MAPRE2: variants seen among roughly 807,000 people sequenced by gnomAD.
The protein encoded by MAPRE2 is microtubule associated protein RP/EB family member 2, also known as microtubule-associated protein RP/EB family member 2.
Under a neutral mutation model 43.2 loss-of-function variants are expected in MAPRE2, and 13 were observed. The ratio of observed to expected loss-of-function variants is 0.30; its 90% CI spans 0.20 to 0.48. The LOEUF is 0.48. Among genes scored for constraint, MAPRE2 ranks in the 20% least tolerant of loss-of-function variants. The pLI, the probability that MAPRE2 is intolerant of heterozygous loss-of-function variation, is 0.99. For missense variants in MAPRE2, 161 were observed against 400.2 expected, an observed-to-expected ratio of 0.40 and a Z score of 5.10; for synonymous variants, 135 against 148.8, an observed-to-expected ratio of 0.91 and a Z score of 0.68.
At chr18:35,131,950 G>T in intron 5 of MAPRE2, 82 bp from the exon 6 acceptor site, 1 of 1,320,518 alleles carries the variant, frequency 7.6e-7, no homozygotes, top group Non-Finnish European at 1.1e-6. Context: ...TCTCTCTTTT[G>T]GGTTTTATTC....
chr18:35,038,774 ATC>A (rs1255605994), upstream of MAPRE2, among the ~76,000 whole-genome samples: 1 of 152,196 alleles, frequency 6.6e-6, no homozygotes, highest in Non-Finnish European at 1.5e-5. Flanking sequence ...ATGAAAACAC[ATC>A]TGTTTAATAT....
intron 1 of MAPRE2, among the ~76,000 whole-genome samples, chr18:34,996,066 T>C (rs2097026358): frequency 6.6e-6 from 1 of 152,196 alleles, no homozygotes; most frequent in South Asian, 2.1e-4. Flanking sequence ...TTTCCTCTAA[T>C]TTTCAGAATG....
upstream of MAPRE2, among the ~76,000 whole-genome samples, chr18:35,038,406 T>A (rs1470333792): frequency 6.6e-6 from 1 of 152,250 alleles, no homozygotes; most frequent in East Asian, 1.9e-4. Flanking sequence ...AAGCTACACC[T>A]TGCTTGGTGT....
intron 2 of MAPRE2, among the ~76,000 whole-genome samples, chr18:35,027,847 G>A (rs1488691491): frequency 6.6e-6 from 1 of 152,212 alleles, no homozygotes; most frequent in Admixed American, 6.5e-5. Flanking sequence ...TGTGGTGGGT[G>A]AAGATGCAGG....
Position 35,095,388 on chromosome 18 carries a change from A to ACACACACACG in MAPRE2, c.251-2049_251-2048insGCACACACAC, listed in dbSNP as rs1569001403. Among the ~76,000 whole-genome samples the ACACACACACG allele has an allele frequency of 5.5e-5, 8 of 145,184 alleles. No homozygotes were observed. The East Asian group carries it at 1.0e-3, about 18-fold the overall frequency. ...TACACACACACACACACACACACACACACACACACACACGCACACACACAC... is the reference window on the plus strand; with the variant it reads ...TACACACACACACACACACACACACACACACACACGCACACACACACACGCACACACACAC... On this transcript the variant is annotated intron_variant, in intron 2 of 6. Coordinates refer to ENST00000300249, the MANE Select transcript of MAPRE2 (RefSeq NM_014268.4).
At chr18:35,122,306 T>C (rs1909712581) in intron 4 of MAPRE2, among the ~76,000 whole-genome samples, 2 of 148,400 alleles carry the variant, frequency 1.3e-5, no homozygotes, top group Admixed American at 6.6e-5. Context: ...TTAGTTTAAC[T>C]GTTAATTATG....
At chr18:35,004,823 A>C (rs1049110514) in intron 1 of MAPRE2, among the ~76,000 whole-genome samples, 7 of 151,890 alleles carry the variant, frequency 4.6e-5, no homozygotes, top group Non-Finnish European at 8.8e-5. Flanking sequence ...GAGGCTGAGG[A>C]AGGAGAATGG....
At chr18:35,084,163 A>G (rs1318085198) in intron 2 of MAPRE2, among the ~76,000 whole-genome samples, 1 of 152,172 alleles carries the variant, frequency 6.6e-6, no homozygotes, top group Non-Finnish European at 1.5e-5. Context: ...AATCCCAGCT[A>G]CTTGGGAGGC....
chr18:35,075,074 A>C (rs1300328152), intron 2 of MAPRE2, among the ~76,000 whole-genome samples: 1 of 152,176 alleles, frequency 6.6e-6, no homozygotes, highest in Non-Finnish European at 1.5e-5. Flanking sequence ...GGATCAAGTC[A>C]CTGGTATTTT....
At chr18:34,985,594 TATAAC>T (rs1234781765) in intron 1 of MAPRE2, among the ~76,000 whole-genome samples, 2 of 88,570 alleles carry the variant, frequency 2.3e-5, no homozygotes, top group African/African-American at 9.0e-5. Flanking sequence ...AACTATAATA[TATAAC>T]ATATGATATA....
At chr18:35,134,696 T>G (rs2144254769) in intron 6 of MAPRE2, among the ~76,000 whole-genome samples, 1 of 152,296 alleles carries the variant, frequency 6.6e-6, no homozygotes, top group Admixed American at 6.5e-5. Flanking sequence ...AGTTTCCAAA[T>G]TTTTACGTGG....
intron 4 of MAPRE2, among the ~76,000 whole-genome samples, chr18:35,123,202 T>G (rs559370761): frequency 1.3e-5 from 2 of 151,752 alleles, no homozygotes; most frequent in African/African-American, 2.4e-5. Flanking sequence ...AACATTTCAG[T>G]TTTTTTTTCA....
chr18:35,062,696 C>T (rs542509240), intron 1 of MAPRE2, among the ~76,000 whole-genome samples: 1 of 152,342 alleles, frequency 6.6e-6, no homozygotes, highest in East Asian at 1.9e-4. Context: ...GAAAGGATCT[C>T]AAACACCTAG....
intron 2 of MAPRE2, among the ~76,000 whole-genome samples, chr18:35,016,177 A>T (rs1160272065): frequency 6.6e-6 from 1 of 151,978 alleles, no homozygotes; most frequent in Non-Finnish European, 1.5e-5. Context: ...TATATATACC[A>T]CATCTTCTTT....
chr18:35,082,888 A>G (rs1013907779), intron 2 of MAPRE2, among the ~76,000 whole-genome samples: 9 of 152,142 alleles, frequency 5.9e-5, no homozygotes, highest in Non-Finnish European at 7.3e-5. Flanking sequence ...TAGGCCATAC[A>G]GTTTAGCACT....
At chr18:35,064,309 C>T (rs752228431) in intron 1 of MAPRE2, among the ~76,000 whole-genome samples, 7 of 152,008 alleles carry the variant, frequency 4.6e-5, no homozygotes, top group Non-Finnish European at 8.8e-5. Flanking sequence ...ATCATGAAAC[C>T]TGCTGGAAAA....
intron 2 of MAPRE2, among the ~76,000 whole-genome samples, chr18:35,033,278 C>T (rs1197199413): frequency 2.0e-5 from 3 of 152,070 alleles, no homozygotes; most frequent in Admixed American, 6.5e-5. Context: ...ATTATCTCAA[C>T]AGATGCAGAA....
At chr18:35,008,042 T>C (rs2097032647) in intron 2 of MAPRE2, among the ~76,000 whole-genome samples, 1 of 152,138 alleles carries the variant, frequency 6.6e-6, no homozygotes. Context: ...GAAAGCTGTA[T>C]TGATCATTTC....
At chr18:35,062,434 TA>T (rs1906580480) in intron 1 of MAPRE2, among the ~76,000 whole-genome samples, 1 of 152,232 alleles carries the variant, frequency 6.6e-6, no homozygotes, top group Non-Finnish European at 1.5e-5. Context: ...TCTGTTAGAA[TA>T]ACACAAAATT....
Sources: allele counts gnomAD v4.1 joint callset (sites outside exome capture counted in the v4.1 genomes callset), GRCh38; gene constraint gnomAD v4.1.1; transcripts MANE v1.5; gene names NCBI Gene and HGNC (gene_info 2026-07-23, HGNC 2026-07-21).